The following NF2 variants were observed in gnomAD, a reference collection of about 807,000 sequenced individuals.
NF2 encodes merlin.
Under a neutral mutation model 83.7 loss-of-function variants are expected in NF2, and 8 were observed. That is an observed-to-expected ratio of 0.10 (90% confidence interval 0.06 to 0.17). The LOEUF (loss-of-function observed/expected upper bound fraction) is 0.17. Ranked by LOEUF, NF2 falls within the 10% of genes least tolerant of loss-of-function variation. The probability of loss-of-function intolerance (pLI) is 1.00; values close to 1 mark genes in which losing one functional copy is unlikely to be tolerated. For missense variants in NF2, 533 were observed against 744.4 expected (o/e 0.72, Z 3.31); for synonymous variants, 266 against 269.6 (o/e 0.99, Z 0.13).
At chr22:29,683,319 C>T in intron 15 of NF2, 2 of 1,418,242 alleles carry the variant, frequency 1.4e-6, no homozygotes, top group South Asian at 3.0e-5. Context: ...ACCAGCCATT[C>T]TTCCCATCTC....
intron 1 of NF2, among the ~76,000 whole-genome samples, chr22:29,608,577 G>A (rs1412274482): frequency 6.6e-6 from 1 of 150,916 alleles, no homozygotes; most frequent in Non-Finnish European, 1.5e-5. Context: ...GTTGAGGCGG[G>A]AGAATTGCTT....
intron 4 of NF2, among the ~76,000 whole-genome samples, chr22:29,652,164 G>T (rs2066167496): frequency 6.6e-6 from 1 of 152,066 alleles, no homozygotes; most frequent in Non-Finnish European, 1.5e-5. Context: ...CTCAGAAGGG[G>T]TACTTCAGCA....
intron 4 of NF2, 145 bp downstream of exon 4, chr22:29,642,430 G>A: frequency 4.2e-6 from 3 of 713,912 alleles, no homozygotes; most frequent in Non-Finnish European, 7.5e-6. Context: ...TGGACTTGAA[G>A]AACCACTGTC....
chr22:29,616,250 G>A (rs982580431), intron 1 of NF2, among the ~76,000 whole-genome samples: 1 of 152,050 alleles, frequency 6.6e-6, no homozygotes, highest in East Asian at 1.9e-4. Context: ...GACTGGTGAT[G>A]GTTGTACACA....
intron 10 of NF2, among the ~76,000 whole-genome samples, chr22:29,670,595 G>T (rs1208764983): frequency 6.6e-6 from 1 of 151,854 alleles, no homozygotes; most frequent in Non-Finnish European, 1.5e-5. Context: ...TGACCAGAGT[G>T]TGGGATAAGA....
chr22:29,685,692 T>C (rs1370662337), intron 15 of NF2, among the ~76,000 whole-genome samples: 12 of 152,230 alleles, frequency 7.9e-5, no homozygotes, highest in Admixed American at 7.8e-4. Context: ...ATTACAGACA[T>C]GAGCCATCTT....
At chr22:29,672,899 CG>C (rs2066845133) in intron 11 of NF2, among the ~76,000 whole-genome samples, 1 of 151,602 alleles carries the variant, frequency 6.6e-6, no homozygotes, top group African/African-American at 2.4e-5. Flanking sequence ...GGATTATAGG[CG>C]TGAGCCACCG....
intron 1 of NF2, among the ~76,000 whole-genome samples, chr22:29,613,957 CTA>C (rs2065018812): frequency 6.6e-6 from 1 of 150,802 alleles, no homozygotes; most frequent in African/African-American, 2.4e-5. Flanking sequence ...TAGGGTTCCA[CTA>C]TGTTGGCCAG....
Position 29,696,568 on chromosome 22 carries a change from T to G in NF2, c.*1766T>G, listed in dbSNP as rs1229717371. On this transcript the variant is annotated 3_prime_UTR_variant, in exon 16 of 16. Coordinates refer to ENST00000338641, the MANE Select transcript of NF2 (RefSeq NM_000268.4). ...GAGCACAGAGATCCTGCCTTCTTCC[T>G]ACTATCAGGCTGACCTAATGGGGTT... is the stretch of plus-strand genomic sequence containing the variant. 2 of 216,798 alleles carry G rather than the reference T, an allele frequency of 9.2e-6. No individual in the cohort carries two copies. The highest frequency in any genetic ancestry group is 4.5e-5 in the African/African-American group (2 of 44,408). The allele number at this position is 216,798 out of a possible 1,614,324, so 13.4% of individuals were successfully genotyped here.
chr22:29,640,349 C>G (rs577751344), intron 3 of NF2, among the ~76,000 whole-genome samples: 1 of 152,212 alleles, frequency 6.6e-6, no homozygotes, highest in East Asian at 1.9e-4. Context: ...TTGTAAGCCC[C>G]TTAAAGGCAA....
At chr22:29,638,563 G>A (rs2065711177) in intron 2 of NF2, among the ~76,000 whole-genome samples, 1 of 152,000 alleles carries the variant, frequency 6.6e-6, no homozygotes, top group South Asian at 2.1e-4. Context: ...TGTTGGCCAG[G>A]CTGGTCTTGA....
chr22:29,683,441 C>T, intron 15 of NF2: 1 of 1,246,296 alleles, frequency 8.0e-7, no homozygotes, highest in South Asian at 1.9e-5. Context: ...AATCTGGGCA[C>T]TTTGGAGACT....
At chr22:29,645,928 G>A (rs1312142322) in intron 4 of NF2, among the ~76,000 whole-genome samples, 1 of 152,120 alleles carries the variant, frequency 6.6e-6, no homozygotes, top group Non-Finnish European at 1.5e-5. Context: ...AAATTTTAAG[G>A]ATCTTACAAA....
At chr22:29,653,492 A>G (rs1019558663) in intron 4 of NF2, among the ~76,000 whole-genome samples, 3 of 152,206 alleles carry the variant, frequency 2.0e-5, no homozygotes, top group Non-Finnish European at 4.4e-5. Context: ...TAAGATTCAA[A>G]AAAAACAATG....
chr22:29,666,793 A>T lies in NF2; in HGVS notation c.886-1540A>T, dbSNP rs183159846. Among the ~76,000 whole-genome samples the T allele has an allele frequency of 3.3e-4, 50 of 152,320 alleles. No homozygotes were observed. In the East Asian group the frequency reaches 9.1e-3, roughly 28 times the overall value. ...GGAGTTCAAGACCAGCCTGACCAAC[A>T]TGGAGAAATCCTGTCTCTACTAAAA... On this transcript the variant is annotated intron_variant, in intron 9 of 15. Transcript: ENST00000338641.
chr22:29,682,479 G>GTACA (rs2067164751), intron 15 of NF2, among the ~76,000 whole-genome samples: 1 of 152,124 alleles, frequency 6.6e-6, no homozygotes, highest in Non-Finnish European at 1.5e-5. Context: ...TCGTTGTTGG[G>GTACA]TACAGTAGGC....
At chr22:29,692,589 C>T (rs748090787) in intron 15 of NF2, among the ~76,000 whole-genome samples, 7 of 152,228 alleles carry the variant, frequency 4.6e-5, no homozygotes, top group Non-Finnish European at 8.8e-5. Context: ...CCCCCACAGC[C>T]TGGGCTCCCT....
At chr22:29,622,229 G>A (rs980658024) in intron 1 of NF2, among the ~76,000 whole-genome samples, 1 of 152,186 alleles carries the variant, frequency 6.6e-6, no homozygotes, top group Non-Finnish European at 1.5e-5. Flanking sequence ...TTGTAAACTT[G>A]CCAGTGGCTT....
chr22:29,647,973 A>T (rs1036403985), intron 4 of NF2, among the ~76,000 whole-genome samples: 1 of 152,016 alleles, frequency 6.6e-6, no homozygotes, highest in South Asian at 2.1e-4. Flanking sequence ...AAATACATAC[A>T]TACAAAAAAT....
Sources: allele counts gnomAD v4.1 joint callset (sites outside exome capture counted in the v4.1 genomes callset), GRCh38; gene constraint gnomAD v4.1.1; transcripts MANE v1.5; gene names NCBI Gene and HGNC (gene_info 2026-07-23, HGNC 2026-07-21).